NLRP11: variants seen among roughly 807,000 people sequenced by gnomAD.
NLRP11 encodes NLR family pyrin domain containing 11.
In NLRP11, 53 loss-of-function variants were observed where a neutral mutation model predicts 79.3. That is an observed-to-expected ratio of 0.67 (90% confidence interval 0.54 to 0.84). NLRP11 has a LOEUF of 0.84. NLRP11 is among the 40% of genes least tolerant of loss of function. The pLI, the probability that NLRP11 is intolerant of heterozygous loss-of-function variation, is 0.00. For synonymous variants in NLRP11, 518 were observed against 462.6 expected (o/e 1.12, Z -1.54); for missense variants, 1,264 against 1,255.0 (o/e 1.01, Z -0.11).
intron 6 of NLRP11, among the ~76,000 whole-genome samples, chr19:55,795,739 C>T (rs111490130): frequency 0.026 from 3,986 of 152,188 alleles, 62 homozygotes; most frequent in Middle Eastern, 0.071. Flanking sequence ...CCGCCTGCCT[C>T]GGCCTCCCAA....
chr19:55,814,937 G>A (rs1980945957), intron 2 of NLRP11, among the ~76,000 whole-genome samples: 1 of 152,158 alleles, frequency 6.6e-6, no homozygotes, highest in African/African-American at 2.4e-5. Context: ...AGTCCCCACG[G>A]ATTGTTATTT....
intron 4 of NLRP11, among the ~76,000 whole-genome samples, chr19:55,806,053 A>G (rs867277571): frequency 3.9e-5 from 6 of 152,010 alleles, no homozygotes; most frequent in African/African-American, 1.5e-4. Flanking sequence ...AGGATACCAC[A>G]CCCTTTACTT....
chr19:55,798,002 T>TTA (rs1568631066), intron 5 of NLRP11, among the ~76,000 whole-genome samples: 43 of 120,788 alleles, frequency 3.6e-4, no homozygotes, highest in African/African-American at 1.5e-3. Flanking sequence ...TATTATTATT[T>TTA]TTTTTTTTTT....
intron 2 of NLRP11, among the ~76,000 whole-genome samples, chr19:55,816,460 T>C (rs1231019415): frequency 2.6e-5 from 4 of 152,224 alleles, no homozygotes; most frequent in African/African-American, 7.2e-5. Context: ...GTGGTATTCA[T>C]GATCTTGGTA....
At chr19:55,808,941 ATTC>A (rs755826132) in exon 3 of NLRP11, 22 of 1,614,000 alleles carry the variant, frequency 1.4e-5, no homozygotes, top group African/African-American at 1.2e-4. Flanking sequence ...GTCTTCACAA[ATTC>A]TTCTTCCCGA....
intron 5 of NLRP11, 23 bp downstream of exon 5, chr19:55,801,549 C>G (rs780390033): frequency 6.2e-7 from 1 of 1,610,386 alleles, no homozygotes; most frequent in Non-Finnish European, 8.5e-7. Flanking sequence ...ATGCACTGAG[C>G]TTTCAGCCGA....
At chr19:55,817,128 A>G (rs1240953982) in intron 2 of NLRP11, among the ~76,000 whole-genome samples, 1 of 152,138 alleles carries the variant, frequency 6.6e-6, no homozygotes, top group East Asian at 1.9e-4. Flanking sequence ...CAAAACCACA[A>G]TGCAATCCCA....
chr19:55,809,632 T>C lies in NLRP11; in HGVS notation c.978A>G (p.Val326=). Residue 326 remains valine (V), a synonymous_variant, in exon 3 of 10, where the codon GTA becomes GTG. Transcript: ENST00000589093. This position sits in a 1 kb window ranked among gnomAD's most constrained non-coding sequence, Gnocchi z 4.5. ...GACCCACGAGTATTTCATCCTCATG[T>C]ACAAGCTGGAGGGCTGCCGACGCCC... The C allele has an allele frequency of 6.2e-7, 1 of 1,614,210 alleles. No homozygotes were observed. Among genetic ancestry groups the C allele is most frequent in the Non-Finnish European group, 8.5e-7 (1 of 1,180,034 alleles).
chr19:55,792,149 G>A (rs1990269556), intron 7 of NLRP11, 152 bp downstream of exon 7: 1 of 648,414 alleles, frequency 1.5e-6, no homozygotes, highest in Non-Finnish European at 2.7e-6. Flanking sequence ...ATCTTACCGT[G>A]CTTTCATGTC....
intron 2 of NLRP11, among the ~76,000 whole-genome samples, chr19:55,812,261 T>A (rs1006376365): frequency 6.6e-6 from 1 of 152,190 alleles, no homozygotes; most frequent in Non-Finnish European, 1.5e-5. Flanking sequence ...GGATGCTCTG[T>A]AACTTAAAAT....
chr19:55,816,099 C>G (rs921832591), intron 2 of NLRP11, among the ~76,000 whole-genome samples: 5 of 152,056 alleles, frequency 3.3e-5, no homozygotes, highest in African/African-American at 1.2e-4. Context: ...AAGTTGTCTT[C>G]AATATTAGAG....
chr19:55,787,873 A>G (rs1332794062), intron 9 of NLRP11, among the ~76,000 whole-genome samples: 1 of 152,146 alleles, frequency 6.6e-6, no homozygotes, highest in Non-Finnish European at 1.5e-5. Flanking sequence ...GCACTACAGG[A>G]ACTGAATTCT....
chr19:55,801,488 G>T (rs1442757061), intron 5 of NLRP11, 84 bp downstream of exon 5: 2 of 1,037,782 alleles, frequency 1.9e-6, no homozygotes, highest in African/African-American at 1.6e-5. Flanking sequence ...GGAGCAGGTA[G>T]TGTTATTGAA....
At chr19:55,806,496 C>T (rs567579670) in intron 4 of NLRP11, among the ~76,000 whole-genome samples, 8 of 152,240 alleles carry the variant, frequency 5.3e-5, no homozygotes, top group East Asian at 1.9e-4. Context: ...ACATATGCCC[C>T]GGAGTTCGCA....
intron 5 of NLRP11, among the ~76,000 whole-genome samples, chr19:55,798,862 G>C (rs2547274): frequency 0.065 from 9,864 of 152,190 alleles, 404 homozygotes; most frequent in Non-Finnish European, 0.094. Flanking sequence ...GGAAGATGCT[G>C]AAGTACTGCA....
intron 2 of NLRP11, among the ~76,000 whole-genome samples, chr19:55,813,057 G>A (rs1398579422): frequency 6.6e-6 from 1 of 152,194 alleles, no homozygotes; most frequent in Non-Finnish European, 1.5e-5. Flanking sequence ...GCCAGGCACA[G>A]CGACTCACAC....
chr19:55,798,346 T>C (rs1292275890), intron 5 of NLRP11: 1 of 984,864 alleles, frequency 1.0e-6, no homozygotes, highest in Non-Finnish European at 1.2e-6. Flanking sequence ...GCCTGAAGAT[T>C]AAAAGGACAG....
Position 55,801,553 on chromosome 19 carries a change from C to T in NLRP11, c.2171+19G>A, listed in dbSNP as rs376126532. The T allele has an allele frequency of 2.5e-6, 4 of 1,611,678 alleles. No individual in the cohort carries two copies. The African/African-American group carries it at 4.0e-5, about 16-fold the overall frequency. On this transcript the variant is annotated intron_variant, in intron 5 of 9. Coordinates refer to ENST00000589093, the Ensembl canonical transcript of NLRP11. The stretch of plus-strand genomic sequence containing the variant: ...ATTCCCCTCACATGCACTGAGCTTT[C>T]AGCCGAGCAACAACTCACCTCAGAT...
intron 1 of NLRP11, among the ~76,000 whole-genome samples, chr19:55,822,896 T>TG (rs1178266908): frequency 6.6e-6 from 1 of 152,208 alleles, no homozygotes; most frequent in Non-Finnish European, 1.5e-5. Context: ...AAGCTGGAAC[T>TG]GGGGGGAGCC....
Sources: allele counts gnomAD v4.1 joint callset (sites outside exome capture counted in the v4.1 genomes callset), GRCh38; gene constraint gnomAD v4.1.1; non-coding constraint Gnocchi (gnomAD v3.1); transcripts MANE v1.5; gene names NCBI Gene and HGNC (gene_info 2026-07-23, HGNC 2026-07-21).